ZNF25: variants seen among roughly 807,000 people sequenced by gnomAD.
ZNF25 encodes the protein zinc finger protein 25.
A neutral mutation model predicts 30.9 loss-of-function variants in ZNF25; 21 were observed. That is an observed-to-expected ratio of 0.68 (90% CI 0.48 to 0.98). The LOEUF (loss-of-function observed/expected upper bound fraction) is 0.98. Ranked by LOEUF, ZNF25 falls within the 50% of genes least tolerant of loss-of-function variation. The pLI is 0.00. For synonymous variants in ZNF25, 169 were observed against 181.3 expected (o/e 0.93, Z 0.55); for missense variants, 501 against 529.9 (o/e 0.95, Z 0.54).
intron 1 of ZNF25, among the ~76,000 whole-genome samples, chr10:37,974,088 A>C (rs558623061): frequency 6.6e-6 from 1 of 152,356 alleles, no homozygotes; most frequent in Non-Finnish European, 1.5e-5. Flanking sequence ...AGAAGAATGA[A>C]ACTAAACCCC....
intron 1 of ZNF25, among the ~76,000 whole-genome samples, chr10:37,972,864 C>T (rs185604533): frequency 6.6e-6 from 1 of 152,144 alleles, no homozygotes; most frequent in African/African-American, 2.4e-5. Flanking sequence ...GATACAAAAT[C>T]AACATTAGAA....
At position 37,974,747 on chromosome 10, in the gene ZNF25, A is replaced by C. The variant is rs539266332; in HGVS notation, c.-86+1759T>G. On this transcript the variant is annotated intron_variant, in intron 1 of 5. Coordinates refer to ENST00000302609, the MANE Select transcript of ZNF25 (RefSeq NM_145011.4). ...AAACAGAATTACCATATGATCTAGCAATCTCACTGCTATATATATATCCAA... is the reference window on the plus strand; with the variant it reads ...AAACAGAATTACCATATGATCTAGCCATCTCACTGCTATATATATATCCAA... Among the ~76,000 whole-genome samples, 17 of 152,328 alleles carry C rather than the reference A, an allele frequency of 1.1e-4. 2 individuals carry two copies. In the South Asian group the frequency reaches 3.5e-3, roughly 32 times the overall value.
In ZNF25 at chr10:37,950,355, A is replaced by G. The variant is rs750438443; in HGVS notation, c.*1772T>C. ...GTCACAATATTCTTTGATTCTTTCA[A>G]CCATTTAGAAATATAAAACCATTCT... On this transcript the variant is annotated 3_prime_UTR_variant, in exon 6 of 6. Coordinates refer to ENST00000302609, the MANE Select transcript of ZNF25 (RefSeq NM_145011.4). 8 of 152,398 alleles carry G rather than the reference A, an allele frequency of 5.2e-5. No homozygotes were observed. The highest frequency in any genetic ancestry group is 1.0e-4 in the Non-Finnish European group (7 of 68,040). 9.4% of individuals were successfully genotyped at this position (152,398 alleles called of 1,614,324 possible).
chr10:37,953,838 C>A, intron 4 of ZNF25, 80 bp from the exon 5 acceptor site: 1 of 1,302,888 alleles, frequency 7.7e-7, no homozygotes, highest in Non-Finnish European at 1.1e-6. Context: ...AGGCTTCAGG[C>A]CAATTTCTCA....
chr10:37,962,968 A>G (rs1037117311), intron 2 of ZNF25, among the ~76,000 whole-genome samples: 4 of 152,096 alleles, frequency 2.6e-5, no homozygotes, highest in African/African-American at 9.7e-5. Context: ...ATGGTGACTT[A>G]GGGAGCTCTA....
intron 2 of ZNF25, among the ~76,000 whole-genome samples, chr10:37,964,972 G>A (rs752048334): frequency 6.6e-6 from 1 of 152,208 alleles, no homozygotes; most frequent in Non-Finnish European, 1.5e-5. Context: ...GTGCAGCCTT[G>A]TGACACTGTT....
intron 1 of ZNF25, among the ~76,000 whole-genome samples, chr10:37,975,277 G>C (rs1380218167): frequency 6.6e-6 from 1 of 151,926 alleles, no homozygotes; most frequent in Non-Finnish European, 1.5e-5. Context: ...GCAACACAAA[G>C]AAATGATAAA....
At chr10:37,969,920 T>G (rs1388821354) in intron 2 of ZNF25, among the ~76,000 whole-genome samples, 8 of 152,116 alleles carry the variant, frequency 5.3e-5, no homozygotes, top group Non-Finnish European at 1.2e-4. Context: ...ATAACCATTC[T>G]CGACTCACTT....
At position 37,951,633 on chromosome 10, in the gene ZNF25, C is replaced by T. The variant is rs2135264129; in HGVS notation, c.*494G>A. 6.5e-6 allele frequency: 1 copy of T among 152,754 alleles called. No homozygotes were observed. The highest frequency in any genetic ancestry group is 6.5e-5 in the Admixed American group (1 of 15,290). 9.5% of individuals were successfully genotyped at this position (152,754 alleles called of 1,614,324 possible). A position where few individuals can be genotyped will look rare whatever the true frequency, so the allele number is the denominator to read the frequency against. ...TCTGAAATTGAATGAAACATCAATT[C>T]TTAATAAAGGCTTCTATATCTACCA... On this transcript the variant is annotated 3_prime_UTR_variant, in exon 6 of 6. Coordinates refer to ENST00000302609, the MANE Select transcript of ZNF25 (RefSeq NM_145011.4).
rs767813623 is a variant in ZNF25 at position 37,952,494 on chromosome 10, G to T, written c.1004C>A (p.Thr335Asn). 6.2e-7 allele frequency: 1 copy of T among 1,613,692 alleles called. No homozygotes were observed. Among genetic ancestry groups the T allele is most frequent in the Admixed American group, 1.7e-5 (1 of 59,928 alleles). Residue 335 changes from threonine (T) to asparagine (N), a missense_variant, in exon 6 of 6, where the codon ACT becomes AAT. Thr to Asn is a moderately conservative substitution (Grantham distance 65). Transcript: ENST00000302609. The part of the protein sequence containing the change: ...QKSALTVHQR[T>N]HTGEKPFECN... ...TTCAAAGGGTTTCTCCCCTGTGTGA[G>T]TTCGCTGATGTACTGTGAGGGCTGA...
intron 5 of ZNF25, 103 bp downstream of exon 5, chr10:37,953,592 T>G: frequency 9.3e-7 from 1 of 1,076,294 alleles, no homozygotes; most frequent in Non-Finnish European, 1.4e-6. Context: ...GCAGTGTTAG[T>G]TTTCTCACGT....
In ZNF25 at chr10:37,950,971, T is replaced by C. The variant is rs747553011; in HGVS notation, c.*1156A>G. On this transcript the variant is annotated 3_prime_UTR_variant, in exon 6 of 6. Coordinates refer to ENST00000302609, the MANE Select transcript of ZNF25 (RefSeq NM_145011.4). ...TCTTACATTGCACTATTTGTTTTCA[T>C]TGTGGAGATTGTAATAAATACTACT... 52 of 152,226 alleles carry C rather than the reference T, an allele frequency of 3.4e-4. No homozygotes were observed. The highest frequency in any genetic ancestry group is 1.2e-4 in the Non-Finnish European group (8 of 68,032). The allele number at this position is 152,226 out of a possible 1,614,324, so 9.4% of individuals were successfully genotyped here.
At chr10:37,963,465 G>A (rs2063004598) in intron 2 of ZNF25, among the ~76,000 whole-genome samples, 2 of 152,112 alleles carry the variant, frequency 1.3e-5, no homozygotes, top group African/African-American at 4.8e-5. Context: ...AAATTTTGGG[G>A]AGAAAATGTG....
chr10:37,957,015 C>G lies in ZNF25; in HGVS notation c.238+5G>C, dbSNP rs1400043199. On this transcript the variant is annotated splice_donor_5th_base_variant and intron_variant, in intron 4 of 5. Coordinates refer to ENST00000302609, the MANE Select transcript of ZNF25 (RefSeq NM_145011.4). ...TAACATGGGATATAATTTCTTCTAA[C>G]TCACCAGGGAAGCCCCGATGTGGAA... 9 of 1,609,230 alleles carry G rather than the reference C, an allele frequency of 5.6e-6. No homozygotes were observed. In the African/African-American group the frequency reaches 9.4e-5, roughly 17 times the overall value.
chr10:37,964,935 G>C (rs2063099429), intron 2 of ZNF25, among the ~76,000 whole-genome samples: 1 of 152,162 alleles, frequency 6.6e-6, no homozygotes, highest in Non-Finnish European at 1.5e-5. Context: ...ATGGTTTCAG[G>C]GGCCAGGCCT....
chr10:37,969,974 T>C (rs1183481687), intron 2 of ZNF25, among the ~76,000 whole-genome samples: 1 of 152,042 alleles, frequency 6.6e-6, no homozygotes, highest in Non-Finnish European at 1.5e-5. Context: ...AACAAAAACA[T>C]CACCAGAAAT....
chr10:37,949,942 T>C lies in ZNF25; in HGVS notation c.*2185A>G, dbSNP rs1320063100. ...ATTTCTTGTTTTGATGTTATGACAA[T>C]TTAGCAAGTAAAAAACACATTTCTT... On this transcript the variant is annotated 3_prime_UTR_variant, in exon 6 of 6. Transcript: ENST00000302609. The C allele has an allele frequency of 6.6e-6, 1 of 152,628 alleles. No homozygotes were observed. Among genetic ancestry groups the C allele is most frequent in the Admixed American group, 6.5e-5 (1 of 15,288 alleles). The allele number at this position is 152,628 out of a possible 1,614,324, so 9.5% of individuals were successfully genotyped here.
chr10:37,969,348 C>A (rs1386026607), intron 2 of ZNF25, among the ~76,000 whole-genome samples: 1 of 151,996 alleles, frequency 6.6e-6, no homozygotes, highest in Non-Finnish European at 1.5e-5. Context: ...TTCATAATAA[C>A]CAAAAAGTGG....
rs768285881 is a variant in ZNF25 at position 37,957,570 on chromosome 10, A to G, written c.16-24T>C. On this transcript the variant is annotated intron_variant, in intron 2 of 5. Coordinates refer to ENST00000302609, the MANE Select transcript of ZNF25 (RefSeq NM_145011.4). ...CCCTGGAATAACATACTTCAGTTCA[A>G]TTTGAAGTAACCAGAATAGATTGCA... 13 of 1,607,468 alleles carry G rather than the reference A, an allele frequency of 8.1e-6. No individual in the cohort carries two copies. The South Asian group carries it at 1.2e-4, about 15-fold the overall frequency.
Sources: allele counts gnomAD v4.1 joint callset (sites outside exome capture counted in the v4.1 genomes callset), GRCh38; gene constraint gnomAD v4.1.1; transcripts MANE v1.5; gene names NCBI Gene and HGNC (gene_info 2026-07-23, HGNC 2026-07-21).